Variants in PTGER3 observed in about 807,000 individuals in gnomAD.
The protein encoded by PTGER3 is prostaglandin E2 receptor EP3 subtype.
PTGER3 carries 22 observed loss-of-function variants against 34.7 expected under a neutral mutation model. The observed-to-expected ratio is 0.63, with a 90% CI of 0.45 to 0.91. The LOEUF is 0.91. PTGER3 is among the 40% of genes least tolerant of loss of function. The pLI is 0.00. For synonymous variants in PTGER3, 241 were observed against 230.1 expected (o/e 1.05, Z -0.43); for missense variants, 468 against 519.4 (o/e 0.90, Z 0.96).
chr1:71,008,461 T>C (rs1657162531), intron 2 of PTGER3: 1 of 903,220 alleles, frequency 1.1e-6, no homozygotes, highest in African/African-American at 1.8e-5. Flanking sequence ...ATATATCAAA[T>C]AAAATATTTT....
At chr1:70,951,414 A>C (rs1355398768), downstream of PTGER3, 2 of 152,184 alleles carry the variant, frequency 1.3e-5, no homozygotes, top group Non-Finnish European at 2.9e-5. Flanking sequence ...AAAAACACAG[A>C]TGTATTAAAA....
exon 4 of PTGER3, chr1:70,953,029 G>C: frequency 2.5e-6 from 4 of 1,606,676 alleles, no homozygotes; most frequent in Non-Finnish European, 3.4e-6. Context: ...GTTGCCCTCT[G>C]TATCTGAGAG....
intron 4 of PTGER3, chr1:70,869,213 CA>C (rs1646110414): frequency 2.2e-6 from 1 of 461,704 alleles, no homozygotes; most frequent in South Asian, 1.6e-5. Flanking sequence ...TCACACTTTA[CA>C]ACAACCAAAT....
At chr1:70,854,128 A>G (rs984211423) in intron 4 of PTGER3, among the ~76,000 whole-genome samples, 8 of 152,220 alleles carry the variant, frequency 5.3e-5, no homozygotes, top group Admixed American at 2.0e-4. Context: ...AAATGAGAGT[A>G]CATCAAACTT....
chr1:70,874,047 G>A lies in PTGER3; in HGVS notation c.*24-21188C>T, dbSNP rs114941836. Among the ~76,000 whole-genome samples, 951 of 152,186 alleles carry A rather than the reference G, an allele frequency of 6.2e-3. 4 individuals are homozygous for A. Among genetic ancestry groups the A allele is most frequent in the African/African-American group, 0.022 (895 of 41,500 alleles). ...AAATATAGCATTATTACTAATAATA[G>A]TACTTGTTTTAGACCTGATGTTACA... On this transcript the variant is annotated intron_variant, in intron 4 of 4. Transcript: ENST00000370931.
chr1:71,025,164 C>CG (rs1658808434), intron 1 of PTGER3, among the ~76,000 whole-genome samples: 1 of 148,566 alleles, frequency 6.7e-6, no homozygotes, highest in African/African-American at 2.5e-5. Flanking sequence ...TTCCTTCCTT[C>CG]TTTCCTTCCT....
At chr1:71,008,580 T>C (rs1657173120) in intron 2 of PTGER3, 2 of 983,844 alleles carry the variant, frequency 2.0e-6, no homozygotes, top group Non-Finnish European at 2.4e-6. Flanking sequence ...TATTAAATTT[T>C]GTAAATTGGC....
At chr1:70,878,602 G>A (rs75724589) in intron 4 of PTGER3, among the ~76,000 whole-genome samples, 2,071 of 152,060 alleles carry the variant, frequency 0.014, 66 homozygotes, top group East Asian at 0.13. Flanking sequence ...TTATATGAGC[G>A]TTTAATGCCA....
chr1:70,982,960 A>C (rs547355438), intron 2 of PTGER3, among the ~76,000 whole-genome samples: 3 of 152,170 alleles, frequency 2.0e-5, no homozygotes, highest in African/African-American at 7.2e-5. Context: ...ATTATTTGTC[A>C]ATTAAAAATA....
At chr1:70,878,828 G>T (rs1435220301) in intron 4 of PTGER3, among the ~76,000 whole-genome samples, 1 of 152,098 alleles carries the variant, frequency 6.6e-6, no homozygotes, top group Non-Finnish European at 1.5e-5. Flanking sequence ...GCTGTAGTCC[G>T]TGAATGTAGT....
intron 2 of PTGER3, among the ~76,000 whole-genome samples, chr1:70,989,031 T>G (rs1655186601): frequency 6.6e-6 from 1 of 151,866 alleles, no homozygotes; most frequent in African/African-American, 2.4e-5. Context: ...TTGCATGTAA[T>G]TCCCCCCCCA....
chr1:70,877,136 A>G (rs949926683), intron 4 of PTGER3, among the ~76,000 whole-genome samples: 2 of 152,110 alleles, frequency 1.3e-5, no homozygotes, highest in African/African-American at 4.8e-5. Flanking sequence ...TTCTTTGAGC[A>G]GTGTTTTGTA....
At chr1:70,968,661 C>T (rs905873683), downstream of PTGER3, among the ~76,000 whole-genome samples, 2 of 151,664 alleles carry the variant, frequency 1.3e-5, no homozygotes, top group South Asian at 2.1e-4. Flanking sequence ...GTTCTCTGTA[C>T]CTGCTCAATT....
intron 4 of PTGER3, among the ~76,000 whole-genome samples, chr1:70,894,056 C>A (rs968796442): frequency 6.6e-6 from 1 of 151,900 alleles, no homozygotes; most frequent in Middle Eastern, 3.2e-3. Context: ...GCCAGTAATC[C>A]CAGCTCTTTG....
intron 2 of PTGER3, among the ~76,000 whole-genome samples, chr1:70,963,184 C>T (rs1652125341): frequency 6.6e-6 from 1 of 152,214 alleles, no homozygotes; most frequent in East Asian, 1.9e-4. Context: ...TGAGACAGCT[C>T]TGTCCCTCTG....
intron 2 of PTGER3, among the ~76,000 whole-genome samples, chr1:70,999,599 G>T (rs1276066303): frequency 6.6e-6 from 1 of 152,152 alleles, no homozygotes; most frequent in African/African-American, 2.4e-5. Flanking sequence ...GATGACAAAT[G>T]GTCTGCCCTA....
chr1:70,990,027 T>C (rs1256536119), intron 2 of PTGER3, among the ~76,000 whole-genome samples: 1 of 151,994 alleles, frequency 6.6e-6, no homozygotes, highest in Non-Finnish European at 1.5e-5. Flanking sequence ...TGATATACAA[T>C]ACATGTATGT....
At chr1:70,867,770 A>G (rs1177386391) in intron 4 of PTGER3, among the ~76,000 whole-genome samples, 3 of 152,196 alleles carry the variant, frequency 2.0e-5, no homozygotes, top group East Asian at 3.8e-4. Flanking sequence ...TGACATGGTC[A>G]GTAAATACAT....
chr1:70,917,403 T>TGTG (rs1647199801), intron 4 of PTGER3, among the ~76,000 whole-genome samples: 1 of 136,278 alleles, frequency 7.3e-6, no homozygotes, highest in Admixed American at 7.6e-5. Context: ...GTATTTTATT[T>TGTG]TGTGTGTGTG....
Sources: allele counts gnomAD v4.1 joint callset (sites outside exome capture counted in the v4.1 genomes callset), GRCh38; gene constraint gnomAD v4.1.1; transcripts MANE v1.5; gene names NCBI Gene and HGNC (gene_info 2026-07-23, HGNC 2026-07-21).